LPP: variants seen among roughly 807,000 people sequenced by gnomAD.
LPP encodes lipoma-preferred partner.
Under a neutral mutation model 60.4 loss-of-function variants are expected in LPP, and 38 were observed. The observed-to-expected ratio is 0.63, with a 90% CI of 0.49 to 0.83. The LOEUF is 0.83. Ranked by LOEUF, LPP falls within the 40% of genes least tolerant of loss-of-function variation. LPP has a pLI of 0.00. For synonymous variants in LPP, 328 were observed against 290.8 expected (o/e 1.13, Z -1.30); for missense variants, 902 against 783.6 (o/e 1.15, Z -1.80).
At chr3:188,440,709 T>C (rs542614281) in intron 4 of LPP, among the ~76,000 whole-genome samples, 1 of 152,300 alleles carries the variant, frequency 6.6e-6, no homozygotes, top group African/African-American at 2.4e-5. Flanking sequence ...TCTTAATTAG[T>C]ATCATCACAC....
chr3:188,385,437 G>C (rs899773085), intron 3 of LPP, among the ~76,000 whole-genome samples: 2 of 152,030 alleles, frequency 1.3e-5, no homozygotes, highest in East Asian at 3.9e-4. Context: ...GGGCCCTGAG[G>C]GTTAATTGGG....
chr3:188,684,177 A>G (rs1860152977), intron 7 of LPP, among the ~76,000 whole-genome samples: 1 of 152,236 alleles, frequency 6.6e-6, no homozygotes, highest in Admixed American at 6.5e-5. Context: ...ATGTTTGCAT[A>G]TTTTTAGACT....
At chr3:188,753,741 T>A (rs2150358512) in intron 8 of LPP, among the ~76,000 whole-genome samples, 1 of 152,164 alleles carries the variant, frequency 6.6e-6, no homozygotes, top group African/African-American at 2.4e-5. Context: ...TGGCAGTCAT[T>A]GATCCTTTTC....
rs150380503 is a variant in LPP at position 188,288,264 on chromosome 3, A to G, written c.-66-53399A>G. 1.1e-4 allele frequency among the ~76,000 whole-genome samples: 16 copies of G among 152,328 alleles called. No individual in the cohort carries two copies. The East Asian group carries it at 2.3e-3, about 22-fold the overall frequency. Reference sequence around the variant, plus strand: ...GGAATAGATTCCACTTGTGAGCGACATTGGCTCAGACAAAAAGTTGCTCTC... The same window carrying G: ...GGAATAGATTCCACTTGTGAGCGACGTTGGCTCAGACAAAAAGTTGCTCTC... On this transcript the variant is annotated intron_variant, in intron 2 of 11. Transcript: ENST00000617246.
intron 7 of LPP, among the ~76,000 whole-genome samples, chr3:188,686,537 G>A (rs1187535987): frequency 6.6e-6 from 1 of 152,194 alleles, no homozygotes; most frequent in Non-Finnish European, 1.5e-5. Context: ...TTAACTTGCA[G>A]TTCTTATCTT....
At chr3:188,632,848 ACGTT>A (rs1560674774) in intron 7 of LPP, among the ~76,000 whole-genome samples, 1 of 151,612 alleles carries the variant, frequency 6.6e-6, no homozygotes, top group Non-Finnish European at 1.5e-5. Flanking sequence ...ACTCTACCCC[ACGTT>A]CGTTTTCATT....
At chr3:188,433,037 C>T (rs1038257279) in intron 4 of LPP, among the ~76,000 whole-genome samples, 1 of 152,166 alleles carries the variant, frequency 6.6e-6, no homozygotes, top group Admixed American at 6.6e-5. Flanking sequence ...GGCTGGAGGA[C>T]TCTTGCCAAG....
At chr3:188,303,583 G>C (rs1030149946) in intron 2 of LPP, among the ~76,000 whole-genome samples, 1 of 152,116 alleles carries the variant, frequency 6.6e-6, no homozygotes, top group African/African-American at 2.4e-5. Context: ...ATTTGAGCTG[G>C]ACCCTGAAGA....
In LPP at chr3:188,563,764, G is replaced by A. The variant is rs1253963014; in HGVS notation, c.429+38977G>A. Reference sequence around the variant, plus strand: ...GTTTTTTTGAGATTATCAAAATTCAGTGTGGGCCATCATCGCAAATGTTAG... The same window carrying A: ...GTTTTTTTGAGATTATCAAAATTCAATGTGGGCCATCATCGCAAATGTTAG... On this transcript the variant is annotated intron_variant, in intron 6 of 11. Coordinates refer to ENST00000617246, the MANE Select transcript of LPP (RefSeq NM_001375462.1). Among the ~76,000 whole-genome samples the A allele has an allele frequency of 2.1e-5, 3 of 144,476 alleles. No homozygotes were observed. In the Admixed American group the frequency reaches 2.1e-4, roughly 10 times the overall value. The allele number at this position is 144,476 out of a possible 152,430, so 94.8% of individuals were successfully genotyped here. A position where few individuals can be genotyped will look rare whatever the true frequency, so the allele number is the denominator to read the frequency against.
At chr3:188,512,572 T>C (rs141170517) in intron 5 of LPP, among the ~76,000 whole-genome samples, 159 of 150,800 alleles carry the variant, frequency 1.1e-3, no homozygotes, top group Middle Eastern at 3.4e-3. Context: ...AATAAATAAA[T>C]AAATAAATAA....
At chr3:188,719,144 A>G (rs1715295988) in intron 8 of LPP, among the ~76,000 whole-genome samples, 1 of 152,208 alleles carries the variant, frequency 6.6e-6, no homozygotes, top group Non-Finnish European at 1.5e-5. Flanking sequence ...TGGTCAATGA[A>G]GAGAGTACTT....
intron 2 of LPP, among the ~76,000 whole-genome samples, chr3:188,295,260 G>A (rs1747473368): frequency 6.6e-6 from 1 of 152,198 alleles, no homozygotes; most frequent in South Asian, 2.1e-4. Flanking sequence ...ACAGATTCCA[G>A]TAAGTGACTC....
intron 5 of LPP, among the ~76,000 whole-genome samples, chr3:188,517,030 CCTGA>C (rs908872714): frequency 2.6e-5 from 4 of 152,190 alleles, no homozygotes; most frequent in South Asian, 4.2e-4. Flanking sequence ...TACTCAATTG[CCTGA>C]CTATTAACAG....
At chr3:188,650,975 C>T (rs1413833491) in intron 7 of LPP, among the ~76,000 whole-genome samples, 1 of 152,024 alleles carries the variant, frequency 6.6e-6, no homozygotes, top group Admixed American at 6.6e-5. Flanking sequence ...AAAGGCTTGA[C>T]CCTCTATAAA....
At chr3:188,714,832 C>T (rs899200672) in intron 8 of LPP, among the ~76,000 whole-genome samples, 1 of 152,036 alleles carries the variant, frequency 6.6e-6, no homozygotes, top group Non-Finnish European at 1.5e-5. Flanking sequence ...TTACCATGGA[C>T]CTGTGTCTTT....
intron 3 of LPP, among the ~76,000 whole-genome samples, chr3:188,362,177 C>T (rs765942774): frequency 7.9e-5 from 12 of 152,032 alleles, no homozygotes; most frequent in Non-Finnish European, 1.3e-4. Flanking sequence ...AAAGGATGTC[C>T]GCAAATGAAA....
At chr3:188,172,734 C>T (rs1357821907) in intron 1 of LPP, among the ~76,000 whole-genome samples, 1 of 152,204 alleles carries the variant, frequency 6.6e-6, no homozygotes, top group Non-Finnish European at 1.5e-5. Context: ...GATGTTGGTA[C>T]ATTACTGTGA....
intron 6 of LPP, among the ~76,000 whole-genome samples, chr3:188,599,751 G>GGGGGGTGTGT (rs374294307): frequency 1.4e-5 from 2 of 139,828 alleles, no homozygotes; most frequent in Non-Finnish European, 3.1e-5. Flanking sequence ...ACTCGTTAGG[G>GGGGGGTGTGT]GTGTGTGTGT....
intron 2 of LPP, among the ~76,000 whole-genome samples, chr3:188,253,274 A>G (rs1730561391): frequency 6.6e-6 from 1 of 152,164 alleles, no homozygotes; most frequent in African/African-American, 2.4e-5. Context: ...GACAAATTTA[A>G]GAATCATTTC....
Sources: allele counts gnomAD v4.1 joint callset (sites outside exome capture counted in the v4.1 genomes callset), GRCh38; gene constraint gnomAD v4.1.1; transcripts MANE v1.5; gene names NCBI Gene and HGNC (gene_info 2026-07-23, HGNC 2026-07-21).